Variants in WWTR1 observed in about 807,000 individuals in gnomAD.
WWTR1 encodes WW domain containing transcription regulator 1.
WWTR1 carries 13 observed loss-of-function variants against 40.1 expected under a neutral mutation model. That is an observed-to-expected ratio of 0.32 (90% CI 0.21 to 0.52). WWTR1 has a LOEUF of 0.52. Ranked by LOEUF, WWTR1 falls within the 20% of genes least tolerant of loss-of-function variation. The pLI, the probability that WWTR1 is intolerant of heterozygous loss-of-function variation, is 0.97. For synonymous variants in WWTR1, 230 were observed against 210.1 expected, an observed-to-expected ratio of 1.09 and a Z score of -0.82; for missense variants, 436 against 523.1, an observed-to-expected ratio of 0.83 and a Z score of 1.63.
intron 3 of WWTR1, among the ~76,000 whole-genome samples, chr3:149,567,710 G>C (rs1737397355): frequency 6.6e-6 from 1 of 152,170 alleles, no homozygotes. Flanking sequence ...CAGGTACCAA[G>C]ACATGGACTA....
In WWTR1 at chr3:149,521,278, A is replaced by G. The variant is rs185361061; in HGVS notation, c.1019-289T>C. Among the ~76,000 whole-genome samples, 373 of 152,348 alleles carry G rather than the reference A, an allele frequency of 2.4e-3. 2 individuals carry two copies. The highest frequency in any genetic ancestry group is 8.5e-3 in the African/African-American group (354 of 41,586). ...CAAAGGTGTGAAGAACTGTTTTACA[A>G]AAGAGTAGAGAGGCCTTGTCTGTAA... On this transcript the variant is annotated intron_variant, in intron 6 of 6. Transcript: ENST00000360632.
chr3:149,557,061 C>CTTTTTTTTTTTTTTTTTT (rs3044118), intron 3 of WWTR1, among the ~76,000 whole-genome samples: 5 of 64,374 alleles, frequency 7.8e-5, no homozygotes, highest in Non-Finnish European at 1.4e-4. Flanking sequence ...CTGGAATCTT[C>CTTTTTTTTTTTTTTTTTT]TTTTTTTTTT....
chr3:149,576,110 A>G, intron 2 of WWTR1: 1 of 456,694 alleles, frequency 2.2e-6, no homozygotes, highest in South Asian at 1.5e-5. Flanking sequence ...AACAACTCTG[A>G]GAAGAAAGCC....
intron 2 of WWTR1, among the ~76,000 whole-genome samples, chr3:149,638,661 C>T (rs1711976883): frequency 6.6e-6 from 1 of 151,992 alleles, no homozygotes; most frequent in Non-Finnish European, 1.5e-5. Flanking sequence ...ATCAATGCCG[C>T]AAGTTATGTT....
At chr3:149,713,248 A>C (rs946196584) in intron 5 of WWTR1, among the ~76,000 whole-genome samples, 1 of 152,254 alleles carries the variant, frequency 6.6e-6, no homozygotes, top group Admixed American at 6.5e-5. Flanking sequence ...ACTTTAAAAA[A>C]ACATTTTCAC....
chr3:149,680,987 A>G (rs1040636700), intron 1 of WWTR1, among the ~76,000 whole-genome samples: 11 of 152,272 alleles, frequency 7.2e-5, no homozygotes, highest in Non-Finnish European at 1.3e-4. Flanking sequence ...ACATTTATCA[A>G]ACAATGCTGC....
intron 2 of WWTR1, among the ~76,000 whole-genome samples, chr3:149,669,170 A>ACACATATACAAGAACCCC (rs1253876942): frequency 3.3e-5 from 5 of 152,228 alleles, no homozygotes; most frequent in African/African-American, 1.2e-4. Context: ...ACAAGGTTAT[A>ACACATATACAAGAACCCC]CACATATACA....
At chr3:149,720,688 A>T (rs192716022) in intron 4 of WWTR1, among the ~76,000 whole-genome samples, 2 of 152,286 alleles carry the variant, frequency 1.3e-5, no homozygotes, top group African/African-American at 4.8e-5. Flanking sequence ...AACCACACTA[A>T]ATCTGTAGAT....
intron 3 of WWTR1, among the ~76,000 whole-genome samples, chr3:149,546,231 G>A (rs976284234): frequency 9.9e-5 from 15 of 152,184 alleles, no homozygotes; most frequent in African/African-American, 3.4e-4. Context: ...GTAGAGTCTG[G>A]AAAAGGGTGG....
chr3:149,623,735 G>A (rs575330723), intron 2 of WWTR1, among the ~76,000 whole-genome samples: 13 of 152,308 alleles, frequency 8.5e-5, no homozygotes, highest in South Asian at 4.1e-4. Context: ...CTATGTGACC[G>A]TGTAGAGAAG....
At chr3:149,713,784 G>A (rs778065199) in intron 5 of WWTR1, among the ~76,000 whole-genome samples, 2 of 152,306 alleles carry the variant, frequency 1.3e-5, no homozygotes, top group Non-Finnish European at 1.5e-5. Flanking sequence ...TGGAGGGAGC[G>A]GCTGTGGGAG....
chr3:149,525,326 T>C (rs536311879), intron 6 of WWTR1, among the ~76,000 whole-genome samples: 7 of 152,188 alleles, frequency 4.6e-5, no homozygotes, highest in Non-Finnish European at 1.0e-4. Context: ...GGAGAAAGGG[T>C]GGCCCATATA....
chr3:149,578,369 G>T (rs1737987027), intron 2 of WWTR1, among the ~76,000 whole-genome samples: 3 of 152,120 alleles, frequency 2.0e-5, no homozygotes, highest in Non-Finnish European at 1.5e-5. Flanking sequence ...GGAATATTAT[G>T]ACCACCAAAG....
intron 1 of WWTR1, among the ~76,000 whole-genome samples, chr3:149,700,214 C>A (rs1337129226): frequency 6.6e-6 from 1 of 152,158 alleles, no homozygotes; most frequent in Non-Finnish European, 1.5e-5. Context: ...GGCCTGTAAT[C>A]CCAGCACTTT....
intron 6 of WWTR1, among the ~76,000 whole-genome samples, chr3:149,525,373 T>C (rs767138128): frequency 4.0e-5 from 6 of 151,632 alleles, no homozygotes; most frequent in Non-Finnish European, 8.8e-5. Context: ...AATACCCCAA[T>C]GTGGAAACAT....
Position 149,520,686 on chromosome 3 carries a change from G to C in WWTR1, c.*119C>G, listed in dbSNP as rs1271746947. 1.1e-6 allele frequency: 1 copy of C among 915,020 alleles called. No homozygotes were observed. The highest frequency in any genetic ancestry group is 1.7e-5 in the African/African-American group (1 of 58,202). The allele number at this position is 915,020 out of a possible 1,614,324, so 56.7% of individuals were successfully genotyped here. ...TTAAACTGGCAACATAAAAAGGAGG[G>C]AGCACGAGTCATGGAGGCGGGAAGT... On this transcript the variant is annotated 3_prime_UTR_variant, in exon 7 of 7. Transcript: ENST00000360632.
chr3:149,587,016 A>G (rs140563119), intron 2 of WWTR1, among the ~76,000 whole-genome samples: 229 of 152,270 alleles, frequency 1.5e-3, no homozygotes, highest in African/African-American at 5.3e-3. Flanking sequence ...TAAATGGGTA[A>G]AAGTAAGTGA....
chr3:149,640,699 G>T (rs1315824379), intron 2 of WWTR1, among the ~76,000 whole-genome samples: 1 of 151,970 alleles, frequency 6.6e-6, no homozygotes, highest in East Asian at 1.9e-4. Context: ...GGTATTACAG[G>T]CATGAGCCAC....
chr3:149,701,051 T>C (rs552598934), intron 1 of WWTR1, among the ~76,000 whole-genome samples: 1 of 152,328 alleles, frequency 6.6e-6, no homozygotes, highest in South Asian at 2.1e-4. Flanking sequence ...GAGTTTTTGT[T>C]CTTAATTTCA....
Sources: allele counts gnomAD v4.1 joint callset (sites outside exome capture counted in the v4.1 genomes callset), GRCh38; gene constraint gnomAD v4.1.1; transcripts MANE v1.5; gene names NCBI Gene and HGNC (gene_info 2026-07-23, HGNC 2026-07-21).